Variants in HEATR5B observed in about 807,000 individuals in gnomAD.
The protein encoded by HEATR5B is HEAT repeat containing 5B.
In HEATR5B, 156 loss-of-function variants were observed where a neutral mutation model predicts 224.1. The observed-to-expected ratio is 0.70, with a 90% CI of 0.61 to 0.80. The LOEUF is 0.80. HEATR5B is among the 30% of genes least tolerant of loss of function. The probability of loss-of-function intolerance (pLI) is 0.00; values close to 1 mark genes in which losing one functional copy is unlikely to be tolerated. For synonymous variants in HEATR5B, 1,027 were observed against 893.0 expected (o/e 1.15, Z -2.68); for missense variants, 2,323 against 2,535.5 (o/e 0.92, Z 1.80).
In HEATR5B at chr2:37,065,135, C is replaced by T. The variant is rs542589071; in HGVS notation, c.1334-145G>A. 17 of 675,604 alleles carry T rather than the reference C, an allele frequency of 2.5e-5. No individual in the cohort carries two copies. In the Middle Eastern group the frequency reaches 1.5e-3, roughly 61 times the overall value. The allele number at this position is 675,604 out of a possible 1,614,324, so 41.9% of individuals were successfully genotyped here. On this transcript the variant is annotated intron_variant, in intron 9 of 35. Coordinates refer to ENST00000233099, the MANE Select transcript of HEATR5B (RefSeq NM_019024.3). The stretch of plus-strand genomic sequence containing the variant: ...CCACAACTTTGCCTAAAACTACATA[C>T]AGTAGAGTACTTCAAAGGAACATTT...
intron 23 of HEATR5B, among the ~76,000 whole-genome samples, chr2:37,028,394 T>C (rs1219814733): frequency 1.3e-5 from 2 of 152,162 alleles, no homozygotes; most frequent in Admixed American, 1.3e-4. Flanking sequence ...TTCAATAGTT[T>C]TACATACTAT....
chr2:37,039,038 G>A (rs557055319), intron 20 of HEATR5B, among the ~76,000 whole-genome samples: 6 of 151,980 alleles, frequency 3.9e-5, no homozygotes, highest in African/African-American at 9.6e-5. Context: ...TGCCGGTAAC[G>A]GGCTGGGCGT....
At chr2:37,011,846 C>G (rs370021150) in intron 27 of HEATR5B, among the ~76,000 whole-genome samples, 4 of 152,070 alleles carry the variant, frequency 2.6e-5, no homozygotes, top group African/African-American at 7.2e-5. Flanking sequence ...GTAAACTTAC[C>G]TCTTTTCCAT....
At chr2:36,999,675 T>A (rs1037858986) in intron 33 of HEATR5B, among the ~76,000 whole-genome samples, 1 of 150,444 alleles carries the variant, frequency 6.6e-6, no homozygotes, top group Non-Finnish European at 1.5e-5. Context: ...TGAGACCCTG[T>A]CTCAAAAAAA....
Position 37,059,079 on chromosome 2 carries a change from T to C in HEATR5B, c.1850-92A>G, listed in dbSNP as rs984968534. 9.8e-6 allele frequency: 7 copies of C among 715,060 alleles called. No individual in the cohort carries two copies. In the African/African-American group the frequency reaches 1.1e-4, roughly 11 times the overall value. The allele number at this position is 715,060 out of a possible 1,614,324, so 44.3% of individuals were successfully genotyped here. ...TGTATAAATATAAAGGCAGTTGTAATACTTAATTATTATAACGTATAAGGT... is the reference window on the plus strand; with the variant it reads ...TGTATAAATATAAAGGCAGTTGTAACACTTAATTATTATAACGTATAAGGT... On this transcript the variant is annotated intron_variant, in intron 12 of 35. Transcript: ENST00000233099.
rs1159584119 is a variant in HEATR5B at position 37,060,748 on chromosome 2, G to T, written c.1697-15C>A. 1.2e-6 allele frequency: 2 copies of T among 1,607,812 alleles called. No homozygotes were observed. The highest frequency in any genetic ancestry group is 2.2e-5 in the South Asian group (2 of 90,326). On this transcript the variant is annotated splice_polypyrimidine_tract_variant and intron_variant, in intron 11 of 35. Coordinates refer to ENST00000233099, the MANE Select transcript of HEATR5B (RefSeq NM_019024.3). ...GACAGATGGTCCTAGCCAAGAAAAT[G>T]AGAATACAAAACCATGTATATGTAA...
At chr2:37,052,309 C>G (rs1479272438) in intron 17 of HEATR5B, among the ~76,000 whole-genome samples, 1 of 152,194 alleles carries the variant, frequency 6.6e-6, no homozygotes, top group Non-Finnish European at 1.5e-5. Context: ...CCAAGGCCCA[C>G]CTTGGATGTC....
intron 16 of HEATR5B, among the ~76,000 whole-genome samples, chr2:37,054,205 T>C (rs1670745186): frequency 6.8e-6 from 1 of 147,876 alleles, no homozygotes; most frequent in Admixed American, 6.7e-5. Context: ...TTTTTTTTTT[T>C]TTTTTTGAGA....
chr2:36,996,762 T>G (rs1355597185), intron 33 of HEATR5B, among the ~76,000 whole-genome samples: 1 of 151,942 alleles, frequency 6.6e-6, no homozygotes, highest in Non-Finnish European at 1.5e-5. Context: ...CCAGCTAATT[T>G]TGTATTTTTA....
At chr2:37,037,482 T>A (rs1325523931) in intron 21 of HEATR5B, among the ~76,000 whole-genome samples, 1 of 151,874 alleles carries the variant, frequency 6.6e-6, no homozygotes, top group Admixed American at 6.6e-5. Context: ...AAACAGTTCA[T>A]CAAGATATTT....
chr2:36,996,431 T>TC (rs1332044483), intron 33 of HEATR5B, among the ~76,000 whole-genome samples: 1 of 150,624 alleles, frequency 6.6e-6, no homozygotes, highest in Non-Finnish European at 1.5e-5. Context: ...TTTCTTTCTT[T>TC]TTTTTTTTTT....
At chr2:37,038,911 G>GC (rs1025441523) in intron 20 of HEATR5B, among the ~76,000 whole-genome samples, 21 of 131,258 alleles carry the variant, frequency 1.6e-4, no homozygotes, top group Non-Finnish European at 2.8e-4. Flanking sequence ...CTGGGGTGGG[G>GC]GGGGTGGGGA....
intron 33 of HEATR5B, among the ~76,000 whole-genome samples, chr2:37,000,143 T>G (rs1223365701): frequency 6.6e-6 from 1 of 151,948 alleles, no homozygotes; most frequent in Non-Finnish European, 1.5e-5. Context: ...AGTGGTGTGA[T>G]CTTGGCTCAC....
At chr2:37,023,764 A>G (rs1276969293) in intron 24 of HEATR5B, among the ~76,000 whole-genome samples, 2 of 152,098 alleles carry the variant, frequency 1.3e-5, no homozygotes, top group Non-Finnish European at 2.9e-5. Flanking sequence ...GTGACAGAGC[A>G]AGACTCTGTC....
chr2:37,078,988 T>C, intron 3 of HEATR5B, 132 bp downstream of exon 3: 1 of 577,282 alleles, frequency 1.7e-6, no homozygotes, highest in Non-Finnish European at 3.1e-6. Flanking sequence ...TCGATCCACT[T>C]AGAGCTCTCA....
At chr2:37,068,338 T>C (rs1461502308) in intron 8 of HEATR5B, among the ~76,000 whole-genome samples, 1 of 152,212 alleles carries the variant, frequency 6.6e-6, no homozygotes, top group East Asian at 1.9e-4. Context: ...AATAAAAATA[T>C]ATGTTTATAA....
chr2:37,058,958 C>G lies in HEATR5B; in HGVS notation c.1879G>C (p.Glu627Gln). Residue 627 changes from glutamate (E) to glutamine (Q), a missense_variant, in exon 13 of 36, where the codon GAG becomes CAG. Transcript: ENST00000233099. ...CGAATCACATCTTCAGTTAGTAGCTCAGGACAATGTGCAACGAAGCTCCTC... is the reference window on the plus strand; with the variant it reads ...CGAATCACATCTTCAGTTAGTAGCTGAGGACAATGTGCAACGAAGCTCCTC... ...AMRSFVAHCPELLTEDVIRKL... is the reference protein window; with the variant it reads ...AMRSFVAHCPQLLTEDVIRKL... 6.2e-7 allele frequency: 1 copy of G among 1,610,110 alleles called. No individual in the cohort carries two copies. Among genetic ancestry groups the G allele is most frequent in the Non-Finnish European group, 8.5e-7 (1 of 1,177,568 alleles).
At chr2:37,040,932 T>C in intron 19 of HEATR5B, 1 of 524,432 alleles carries the variant, frequency 1.9e-6, no homozygotes, top group Non-Finnish European at 3.4e-6. Flanking sequence ...TGAAGGAATG[T>C]ATGTGAATGG....
At position 37,068,866 on chromosome 2, in the gene HEATR5B, A is replaced by G. The variant is rs1327078783; in HGVS notation, c.992T>C (p.Leu331Pro). Residue 331 changes from leucine to proline, a missense_variant, in exon 8 of 36, where the codon CTG (leucine) becomes CCG (proline). Transcript: ENST00000233099. ...QWLERSFATF[L>P]SHVLDLVSHP... ...GGAAACCAGATCAAGTACATGGGACAGGAACGTGGCAAAGCTGCGCTCCAA... is the reference window on the plus strand; with the variant it reads ...GGAAACCAGATCAAGTACATGGGACGGGAACGTGGCAAAGCTGCGCTCCAA... 3 of 1,614,074 alleles carry G rather than the reference A, an allele frequency of 1.9e-6. No homozygotes were observed. Among genetic ancestry groups the G allele is most frequent in the East Asian group, 2.2e-5 (1 of 44,892 alleles).
Sources: allele counts gnomAD v4.1 joint callset (sites outside exome capture counted in the v4.1 genomes callset), GRCh38; gene constraint gnomAD v4.1.1; transcripts MANE v1.5; gene names NCBI Gene and HGNC (gene_info 2026-07-23, HGNC 2026-07-21).